KCNT2: variants seen among roughly 807,000 people sequenced by gnomAD.
The protein encoded by KCNT2 is potassium sodium-activated channel subfamily T member 2, also known as potassium channel subfamily T member 2.
Under a neutral mutation model 153.8 loss-of-function variants are expected in KCNT2, and 67 were observed. The observed-to-expected ratio is 0.44, with a 90% CI of 0.36 to 0.53. The LOEUF (loss-of-function observed/expected upper bound fraction) is 0.53. Ranked by LOEUF, KCNT2 falls within the 20% of genes least tolerant of loss-of-function variation. KCNT2 has a pLI of 0.00. For missense variants in KCNT2, 975 were observed against 1,354.8 expected, an observed-to-expected ratio of 0.72 and a Z score of 4.40; for synonymous variants, 500 against 458.8, an observed-to-expected ratio of 1.09 and a Z score of -1.15.
intron 8 of KCNT2, among the ~76,000 whole-genome samples, chr1:196,438,342 CCT>C (rs1375184854): frequency 6.6e-6 from 1 of 151,526 alleles, no homozygotes; most frequent in African/African-American, 2.4e-5. Flanking sequence ...AGTGTTTATC[CCT>C]CTTTCCTAAG....
At chr1:196,322,511 C>T (rs939433364) in intron 19 of KCNT2, among the ~76,000 whole-genome samples, 1 of 151,800 alleles carries the variant, frequency 6.6e-6, no homozygotes, top group Non-Finnish European at 1.5e-5. Context: ...TGAGCACATT[C>T]ATTAATGAGT....
chr1:196,589,653 A>T (rs184637247), intron 1 of KCNT2, among the ~76,000 whole-genome samples: 1 of 152,132 alleles, frequency 6.6e-6, no homozygotes, highest in East Asian at 1.9e-4. Flanking sequence ...TGTATTTGTG[A>T]CATTTATTCA....
intron 1 of KCNT2, among the ~76,000 whole-genome samples, chr1:196,493,235 G>A (rs1248863269): frequency 4.0e-5 from 6 of 151,046 alleles, no homozygotes; most frequent in Non-Finnish European, 8.8e-5. Context: ...GGATTTTAAT[G>A]TTTACGCAAA....
intron 1 of KCNT2, among the ~76,000 whole-genome samples, chr1:196,571,322 A>G (rs930252297): frequency 2.6e-5 from 4 of 152,136 alleles, no homozygotes; most frequent in African/African-American, 9.6e-5. Flanking sequence ...AAAATTCCCC[A>G]AACTTTTCTG....
chr1:196,270,827 A>G (rs1212850632), intron 25 of KCNT2, among the ~76,000 whole-genome samples: 4 of 146,480 alleles, frequency 2.7e-5, no homozygotes, highest in African/African-American at 8.0e-5. Context: ...TTCAACATGC[A>G]GGTGTGTGTG....
intron 7 of KCNT2, among the ~76,000 whole-genome samples, 158 bp downstream of exon 7, chr1:196,467,545 A>C (rs1031715466): frequency 3.9e-5 from 6 of 152,152 alleles, no homozygotes. Context: ...ATTACAGCTT[A>C]ATTAATTCCA....
intron 26 of KCNT2, among the ~76,000 whole-genome samples, chr1:196,250,607 C>G (rs1224641651): frequency 1.3e-5 from 2 of 151,984 alleles, no homozygotes; most frequent in African/African-American, 4.8e-5. Context: ...ACAACCAATG[C>G]AAAAATTGAC....
At chr1:196,400,375 T>C (rs1671308072) in intron 12 of KCNT2, among the ~76,000 whole-genome samples, 2 of 151,730 alleles carry the variant, frequency 1.3e-5, no homozygotes, top group East Asian at 1.9e-4. Flanking sequence ...TTGAAGATAA[T>C]GGGCCATTCT....
At chr1:196,424,871 G>GACACAC (rs532251977) in intron 11 of KCNT2, among the ~76,000 whole-genome samples, 1 of 149,246 alleles carries the variant, frequency 6.7e-6, no homozygotes, top group Non-Finnish European at 1.5e-5. Flanking sequence ...CCACTAGACA[G>GACACAC]ACACACACAC....
chr1:196,287,771 C>T (rs1284595681), intron 22 of KCNT2, among the ~76,000 whole-genome samples: 2 of 152,006 alleles, frequency 1.3e-5, no homozygotes, highest in African/African-American at 2.4e-5. Flanking sequence ...GAATACAGAG[C>T]TCCTATATAG....
intron 1 of KCNT2, among the ~76,000 whole-genome samples, chr1:196,590,744 C>T (rs974988130): frequency 1.3e-5 from 2 of 152,132 alleles, no homozygotes; most frequent in Admixed American, 6.5e-5. Context: ...GCAGTAAAAT[C>T]GAGTTCACCT....
intron 25 of KCNT2, among the ~76,000 whole-genome samples, chr1:196,272,399 G>C (rs1449004658): frequency 6.6e-6 from 1 of 151,740 alleles, no homozygotes; most frequent in African/African-American, 2.4e-5. Context: ...TCGAAGAAAG[G>C]CCATGAAGTT....
chr1:196,497,089 C>T (rs548559265), intron 1 of KCNT2, among the ~76,000 whole-genome samples: 107 of 152,238 alleles, frequency 7.0e-4, no homozygotes, highest in Non-Finnish European at 1.2e-3. Context: ...TGTGTTGTCC[C>T]TTTCTTATAA....
rs56943556 is a variant in KCNT2, at chr1:196,487,409, A to AGTGTGTGTGTGTGTGTGTGT, written c.275+2409_275+2428dup. 6.1e-4 allele frequency among the ~76,000 whole-genome samples: 90 copies of AGTGTGTGTGTGTGTGTGTGT among 146,540 alleles called. 1 individual carries two copies. Among genetic ancestry groups the AGTGTGTGTGTGTGTGTGTGT allele is most frequent in the South Asian group, 3.8e-3 (17 of 4,482 alleles). ...ACATATAGTACCTACCATGTTATGG[A>AGTGTGTGTGTGTGTGTGTGT]GTGTGTGTGTGTGTGTGTGTGTGTG... On this transcript the variant is annotated intron_variant, in intron 3 of 27. Coordinates refer to ENST00000294725, the MANE Select transcript of KCNT2 (RefSeq NM_198503.5).
intron 14 of KCNT2, among the ~76,000 whole-genome samples, chr1:196,360,629 T>C (rs1381945337): frequency 6.6e-6 from 1 of 151,826 alleles, no homozygotes; most frequent in African/African-American, 2.4e-5. Flanking sequence ...GACTGGTGTC[T>C]TCCGAAGAAG....
chr1:196,355,182 A>G (rs889468307), intron 14 of KCNT2, among the ~76,000 whole-genome samples: 1 of 151,668 alleles, frequency 6.6e-6, no homozygotes, highest in African/African-American at 2.4e-5. Flanking sequence ...AATATCTAGA[A>G]AGAAAAGTAC....
chr1:196,331,246 G>T lies in KCNT2; in HGVS notation c.2013C>A (p.Tyr671Ter). 1 of 1,580,242 alleles carries T rather than the reference G, an allele frequency of 6.3e-7. No individual in the cohort carries two copies. Among genetic ancestry groups the T allele is most frequent in the South Asian group, 1.1e-5 (1 of 90,292 alleles). Residue 671 changes from tyrosine to a stop codon, truncating the protein, a stop_gained, in exon 18 of 28, where the codon TAC (tyrosine) becomes TAA (stop). Coordinates refer to ENST00000294725, the MANE Select transcript of KCNT2 (RefSeq NM_198503.5). LOFTEE classifies it high-confidence loss of function. Reference sequence around the variant, plus strand: ...TTCCTATATATGGAGAATAAGGTGGGTAACCTTTAGCATACCTGTAAAATA... The same window carrying T: ...TTCCTATATATGGAGAATAAGGTGGTTAACCTTTAGCATACCTGTAAAATA... ...MSSNLEYAKG[Y>*]PPYSPYIGSS... is the part of the protein sequence containing the mutation.
chr1:196,232,963 T>C (rs1571733342), intron 27 of KCNT2, among the ~76,000 whole-genome samples: 1 of 151,346 alleles, frequency 6.6e-6, no homozygotes, highest in Non-Finnish European at 1.5e-5. Flanking sequence ...AAAAAAGGTA[T>C]AAGAAGGCTG....
intron 13 of KCNT2, among the ~76,000 whole-genome samples, chr1:196,393,787 G>A (rs887841947): frequency 2.6e-5 from 4 of 151,506 alleles, no homozygotes; most frequent in African/African-American, 9.7e-5. Context: ...CCACAACATG[G>A]AAGCATAAGG....
Sources: allele counts gnomAD v4.1 joint callset (sites outside exome capture counted in the v4.1 genomes callset), GRCh38; gene constraint gnomAD v4.1.1; transcripts MANE v1.5; gene names NCBI Gene and HGNC (gene_info 2026-07-23, HGNC 2026-07-21).